The following CFAP54 variants were observed in gnomAD, a reference collection of about 807,000 sequenced individuals.
The protein encoded by CFAP54 is cilia and flagella associated protein 54.
CFAP54 carries 290 observed loss-of-function variants against 370.4 expected under a neutral mutation model. The ratio of observed to expected loss-of-function variants is 0.78; its 90% CI spans 0.71 to 0.86. The LOEUF (loss-of-function observed/expected upper bound fraction) is 0.86, where lower values mean the gene tolerates loss of function less well. Ranked by LOEUF, CFAP54 falls within the 40% of genes least tolerant of loss-of-function variation. CFAP54 has a pLI of 0.00. For synonymous variants in CFAP54, 1,206 were observed against 1,236.5 expected, an observed-to-expected ratio of 0.98 and a Z score of 0.52; for missense variants, 3,399 against 3,528.7, an observed-to-expected ratio of 0.96 and a Z score of 0.93.
At position 96,743,329 on chromosome 12, in the gene CFAP54, AT is replaced by A. The variant is rs1273707417; in HGVS notation, c.7220-71del. The A allele has an allele frequency of 5.5e-6, 8 of 1,447,234 alleles. No individual in the cohort carries two copies. The South Asian group carries it at 8.7e-5, about 16-fold the overall frequency. 89.6% of individuals were successfully genotyped at this position (1,447,234 alleles called of 1,614,324 possible). A position where few individuals can be genotyped will look rare whatever the true frequency, so the allele number is the denominator to read the frequency against. ...ATTACACAATATTTCTGTGATGAAA[AT>A]TGGGGCTATTACACATGTATAACTT... On this transcript the variant is annotated intron_variant, in intron 52 of 67. Transcript: ENST00000524981.
At chr12:96,526,566 A>G (rs1013470044) in intron 8 of CFAP54, among the ~76,000 whole-genome samples, 7 of 152,240 alleles carry the variant, frequency 4.6e-5, no homozygotes, top group African/African-American at 1.4e-4. Context: ...TCTTGAATCT[A>G]CAAAGCACCC....
At chr12:96,729,641 G>A (rs1360183455) in intron 50 of CFAP54, among the ~76,000 whole-genome samples, 4 of 152,098 alleles carry the variant, frequency 2.6e-5, no homozygotes, top group Admixed American at 6.5e-5. Flanking sequence ...TGCGCTTCCC[G>A]AGTGAGGCAA....
chr12:96,796,071 G>C (rs571768486), intron 63 of CFAP54, among the ~76,000 whole-genome samples: 1 of 152,184 alleles, frequency 6.6e-6, no homozygotes, highest in Non-Finnish European at 1.5e-5. Flanking sequence ...AGATTCCCCA[G>C]TGAGGATGTT....
intron 32 of CFAP54, among the ~76,000 whole-genome samples, chr12:96,638,831 T>C (rs552121222): frequency 6.6e-6 from 1 of 152,302 alleles, no homozygotes; most frequent in African/African-American, 2.4e-5. Flanking sequence ...AAAACAAAAA[T>C]GATGTTAGTG....
intron 38 of CFAP54, among the ~76,000 whole-genome samples, chr12:96,659,259 G>A (rs11108623): frequency 1.3e-5 from 2 of 151,974 alleles, no homozygotes; most frequent in African/African-American, 2.4e-5. Context: ...TCAGCCTTCC[G>A]AGTAGCTGGG....
chr12:96,531,177 A>T (rs952921407), intron 9 of CFAP54, among the ~76,000 whole-genome samples: 1 of 152,144 alleles, frequency 6.6e-6, no homozygotes, highest in Admixed American at 6.5e-5. Flanking sequence ...CTTTTTGCTG[A>T]AATACAAACT....
intron 22 of CFAP54, among the ~76,000 whole-genome samples, chr12:96,584,665 A>G (rs2368080): frequency 0.79 from 120,119 of 151,444 alleles, 47,944 homozygotes; most frequent in Middle Eastern, 0.86. Context: ...ATCTCATTAC[A>G]ATGACAGTAA....
intron 55 of CFAP54, among the ~76,000 whole-genome samples, chr12:96,749,227 A>G (rs1958155490): frequency 6.6e-6 from 1 of 152,152 alleles, no homozygotes; most frequent in African/African-American, 2.4e-5. Context: ...GGCACCTTCT[A>G]TGTGTCCTTA....
chr12:96,824,443 T>A (rs1302354985), intron 65 of CFAP54, among the ~76,000 whole-genome samples: 2 of 152,210 alleles, frequency 1.3e-5, no homozygotes, highest in African/African-American at 4.8e-5. Context: ...TTTTGTTTCA[T>A]GGCTCTTAAT....
intron 17 of CFAP54, among the ~76,000 whole-genome samples, chr12:96,558,556 G>A (rs1955779993): frequency 6.6e-6 from 1 of 152,056 alleles, no homozygotes; most frequent in Admixed American, 6.6e-5. Flanking sequence ...TAGACCAATA[G>A]AACAAAATAG....
intron 39 of CFAP54, among the ~76,000 whole-genome samples, chr12:96,677,137 G>A (rs1351231909): frequency 6.6e-6 from 1 of 151,958 alleles, no homozygotes; most frequent in Non-Finnish European, 1.5e-5. Context: ...CAAGTAGCTA[G>A]GACTACAGGC....
chr12:96,489,621 G>C lies in CFAP54; in HGVS notation c.12G>C (p.Gln4His). The C allele has an allele frequency of 1.3e-6, 2 of 1,520,310 alleles. No individual in the cohort carries two copies. The highest frequency in any genetic ancestry group is 1.8e-6 in the Non-Finnish European group (2 of 1,135,394). The allele number at this position is 1,520,310 out of a possible 1,614,324, so 94.2% of individuals were successfully genotyped here. A position where few individuals can be genotyped will look rare whatever the true frequency, so the allele number is the denominator to read the frequency against. Residue 4 changes from glutamine (Q) to histidine (H), a missense_variant, in exon 1 of 68, where the codon CAG becomes CAC. This residue lies in a region of CFAP54 where 559 missense variants were observed against 576.7 expected (regional missense o/e 0.97). Transcript: ENST00000524981. MAA[Q>H]GSPSSSPSDD... ...CGGGGCGCGTCAATATGGCGGCGCAGGGCTCCCCCTCGAGCTCTCCGTCAG... is the reference window on the plus strand; with the variant it reads ...CGGGGCGCGTCAATATGGCGGCGCACGGCTCCCCCTCGAGCTCTCCGTCAG...
Position 96,630,220 on chromosome 12 carries a change from G to A in CFAP54, c.4215+16G>A. On this transcript the variant is annotated intron_variant, in intron 31 of 67. Coordinates refer to ENST00000524981, the MANE Select transcript of CFAP54 (RefSeq NM_001306084.2). ...AATTGGAAGAGTAAGTTTCCTATGA[G>A]TTTTGAATTTTAGGTAATGAAATTA... The A allele has an allele frequency of 1.5e-6, 2 of 1,296,250 alleles. No individual in the cohort carries two copies. The highest frequency in any genetic ancestry group is 2.7e-5 in the South Asian group (2 of 75,366). 80.3% of individuals were successfully genotyped at this position (1,296,250 alleles called of 1,614,324 possible). A position where few individuals can be genotyped will look rare whatever the true frequency, so the allele number is the denominator to read the frequency against.
In CFAP54 at chr12:96,489,638, C is replaced by T. The variant is rs1472223092; in HGVS notation, c.29C>T (p.Ser10Phe). 2.0e-6 allele frequency: 3 copies of T among 1,528,440 alleles called. No individual in the cohort carries two copies. Among genetic ancestry groups the T allele is most frequent in the Admixed American group, 2.0e-5 (1 of 50,766 alleles). The allele number at this position is 1,528,440 out of a possible 1,614,324, so 94.7% of individuals were successfully genotyped here. Reference sequence around the variant, plus strand: ...GCGGCGCAGGGCTCCCCCTCGAGCTCTCCGTCAGACGACTCTACCACCTCG... The same window carrying T: ...GCGGCGCAGGGCTCCCCCTCGAGCTTTCCGTCAGACGACTCTACCACCTCG... MAAQGSPSS[S>F]PSDDSTTSGS... is the part of the protein sequence containing the mutation. The change falls in exon 1 of 68, where the codon TCT (serine) becomes TTT (phenylalanine). Residue 10 changes from serine (S) to phenylalanine (F), a missense_variant. By Grantham distance (155) the Ser-to-Phe change is radical (BLOSUM62 -2). Transcript: ENST00000524981.
At chr12:96,587,036 G>C (rs77952901) in intron 22 of CFAP54, among the ~76,000 whole-genome samples, 5,021 of 152,220 alleles carry the variant, frequency 0.033, 285 homozygotes, top group African/African-American at 0.12. Flanking sequence ...TGACCCTAAG[G>C]TATTAGCTGA....
chr12:96,769,914 C>T (rs1157479061), intron 60 of CFAP54, among the ~76,000 whole-genome samples: 1 of 152,114 alleles, frequency 6.6e-6, no homozygotes, highest in Non-Finnish European at 1.5e-5. Context: ...GTATGTTTTG[C>T]CTCTTGAAAC....
chr12:96,654,552 A>G (rs1956900058), intron 36 of CFAP54, among the ~76,000 whole-genome samples: 1 of 152,100 alleles, frequency 6.6e-6, no homozygotes, highest in Non-Finnish European at 1.5e-5. Flanking sequence ...TTATATGCAT[A>G]CAATGGGTTG....
chr12:96,708,865 C>A (rs1957576761), intron 48 of CFAP54, 62 bp downstream of exon 48: 2 of 1,290,410 alleles, frequency 1.5e-6, no homozygotes, highest in Non-Finnish European at 2.2e-6. Flanking sequence ...GTTCTCCCAG[C>A]CCCCACTAAT....
At chr12:96,531,964 G>GA (rs1955444420) in intron 9 of CFAP54, among the ~76,000 whole-genome samples, 1 of 152,192 alleles carries the variant, frequency 6.6e-6, no homozygotes, top group South Asian at 2.1e-4. Context: ...GACCCCAGGT[G>GA]ATCTGCCTGC....
Sources: gnomAD v4.1 joint callset for allele counts (sites outside exome capture counted in the v4.1 genomes callset) on GRCh38, gnomAD v4.1.1 for gene constraint, gnomAD v4.1.1 regional missense constraint, MANE v1.5 for transcripts, NCBI Gene and HGNC (gene_info 2026-07-23, HGNC 2026-07-21) for gene names.